Variants in CHCHD6 observed in about 807,000 individuals in gnomAD.
The protein encoded by CHCHD6 is MICOS complex subunit MIC25.
Under a neutral mutation model 32.3 loss-of-function variants are expected in CHCHD6, and 28 were observed. That is an observed-to-expected ratio of 0.87 (90% CI 0.64 to 1.19). CHCHD6 has a LOEUF of 1.19. Ranked by LOEUF, CHCHD6 falls within the 50% of genes most tolerant of loss-of-function variation. CHCHD6 has a pLI of 0.00. For synonymous variants in CHCHD6, 122 were observed against 117.5 expected (o/e 1.04, Z -0.25); for missense variants, 333 against 307.0 (o/e 1.08, Z -0.63).
intron 7 of CHCHD6, among the ~76,000 whole-genome samples, chr3:126,958,400 AC>A (rs1364266508): frequency 3.9e-5 from 6 of 152,210 alleles, no homozygotes; most frequent in Non-Finnish European, 7.3e-5. Flanking sequence ...CTCCTTTCCC[AC>A]GTAAAAGCCT....
chr3:126,913,662 T>C (rs2078128382), intron 5 of CHCHD6, among the ~76,000 whole-genome samples: 1 of 152,224 alleles, frequency 6.6e-6, no homozygotes, highest in South Asian at 2.1e-4. Flanking sequence ...AACTGCTTCC[T>C]CATGAGTCAG....
chr3:126,792,973 T>G (rs1938624382), intron 4 of CHCHD6, among the ~76,000 whole-genome samples: 1 of 152,186 alleles, frequency 6.6e-6, no homozygotes, highest in East Asian at 1.9e-4. Flanking sequence ...GAATTGACCC[T>G]TTTATCATTA....
At chr3:126,840,609 C>T (rs1941034496) in intron 4 of CHCHD6, among the ~76,000 whole-genome samples, 1 of 152,004 alleles carries the variant, frequency 6.6e-6, no homozygotes, top group South Asian at 2.1e-4. Flanking sequence ...TGAGATATGC[C>T]TTTTTATATT....
intron 5 of CHCHD6, among the ~76,000 whole-genome samples, chr3:126,873,554 G>T (rs1042743667): frequency 2.6e-5 from 4 of 152,192 alleles, no homozygotes; most frequent in Admixed American, 6.5e-5. Context: ...GTTCAGGTTG[G>T]TCAGCCAAAG....
chr3:126,914,438 C>G (rs772274080), intron 5 of CHCHD6, among the ~76,000 whole-genome samples: 2 of 152,210 alleles, frequency 1.3e-5, no homozygotes, highest in Non-Finnish European at 1.5e-5. Context: ...GCCCGTGGAT[C>G]GTGGTCTGCC....
At chr3:126,876,149 A>G (rs2107570401) in intron 5 of CHCHD6, among the ~76,000 whole-genome samples, 1 of 152,350 alleles carries the variant, frequency 6.6e-6, no homozygotes, top group Non-Finnish European at 1.5e-5. Context: ...GCTTCTTTGT[A>G]GCTGCTCAAG....
At chr3:126,845,095 G>C (rs1439222719) in intron 4 of CHCHD6, among the ~76,000 whole-genome samples, 1 of 152,170 alleles carries the variant, frequency 6.6e-6, no homozygotes, top group Non-Finnish European at 1.5e-5. Context: ...AAGCCACTAA[G>C]TTTCTGGTAA....
chr3:126,834,237 C>T (rs1483018851), intron 4 of CHCHD6, among the ~76,000 whole-genome samples: 1 of 152,094 alleles, frequency 6.6e-6, no homozygotes, highest in Non-Finnish European at 1.5e-5. Flanking sequence ...CTGCTGCTTT[C>T]ATGAAGCCCC....
chr3:126,872,200 T>A (rs1056214555), intron 5 of CHCHD6, among the ~76,000 whole-genome samples: 1 of 152,068 alleles, frequency 6.6e-6, no homozygotes, highest in Admixed American at 6.5e-5. Context: ...CTCTCCACCC[T>A]ACAGTGCCCA....
At chr3:126,849,905 G>A (rs550643051) in intron 4 of CHCHD6, among the ~76,000 whole-genome samples, 37 of 152,322 alleles carry the variant, frequency 2.4e-4, no homozygotes, top group African/African-American at 7.2e-4. Flanking sequence ...GTTGTGCTGC[G>A]TGCTGCGTGG....
At chr3:126,890,775 G>A (rs1043485110) in intron 5 of CHCHD6, among the ~76,000 whole-genome samples, 2 of 152,132 alleles carry the variant, frequency 1.3e-5, no homozygotes, top group African/African-American at 4.8e-5. Context: ...ATTTTTCCAG[G>A]TGTATTTCTG....
intron 4 of CHCHD6, among the ~76,000 whole-genome samples, chr3:126,773,024 T>A (rs1008341169): frequency 6.7e-6 from 1 of 148,188 alleles, no homozygotes; most frequent in Non-Finnish European, 1.5e-5. Context: ...TTGGTTAGAC[T>A]TTTTTTTTTT....
intron 4 of CHCHD6, among the ~76,000 whole-genome samples, chr3:126,809,201 T>C (rs1343149428): frequency 2.6e-5 from 4 of 152,192 alleles, no homozygotes; most frequent in Non-Finnish European, 4.4e-5. Context: ...CTGGAACTCC[T>C]GGCATCAAGT....
At chr3:126,819,808 G>A (rs1940074898) in intron 4 of CHCHD6, among the ~76,000 whole-genome samples, 1 of 152,246 alleles carries the variant, frequency 6.6e-6, no homozygotes, top group African/African-American at 2.4e-5. Context: ...ACATGGAAAG[G>A]CAGCATGCCT....
chr3:126,923,764 C>A lies in CHCHD6; in HGVS notation c.566+9014C>A, dbSNP rs1276928749. Among the ~76,000 whole-genome samples the A allele has an allele frequency of 2.0e-5, 3 of 152,188 alleles. No homozygotes were observed. The East Asian group carries it at 5.8e-4, about 29-fold the overall frequency. On this transcript the variant is annotated intron_variant, in intron 6 of 7. Transcript: ENST00000290913. ...GGGCATCATGAGGTAATTTGTTAAGCCTCTAGGAAAGTGTCAGGCACGTAG... is the reference window on the plus strand; with the variant it reads ...GGGCATCATGAGGTAATTTGTTAAGACTCTAGGAAAGTGTCAGGCACGTAG...
At chr3:126,933,441 A>C (rs1012225728) in intron 6 of CHCHD6, among the ~76,000 whole-genome samples, 1 of 152,184 alleles carries the variant, frequency 6.6e-6, no homozygotes, top group Non-Finnish European at 1.5e-5. Context: ...TAAAGAAAAG[A>C]GGTTTATTTG....
chr3:126,801,333 C>G (rs547944589), intron 4 of CHCHD6, among the ~76,000 whole-genome samples: 1 of 152,310 alleles, frequency 6.6e-6, no homozygotes, highest in South Asian at 2.1e-4. Context: ...ACAGACGGCA[C>G]CTGGAAAATC....
At chr3:126,732,402 C>G (rs998815246) in intron 3 of CHCHD6, among the ~76,000 whole-genome samples, 1 of 152,170 alleles carries the variant, frequency 6.6e-6, no homozygotes, top group African/African-American at 2.4e-5. Flanking sequence ...GCTTTATAAG[C>G]AGTTTTATTG....
intron 4 of CHCHD6, among the ~76,000 whole-genome samples, chr3:126,739,919 T>C (rs556771035): frequency 1.2e-4 from 19 of 152,320 alleles, no homozygotes; most frequent in African/African-American, 3.6e-4. Context: ...TTGTAGTTTT[T>C]GATTGGTGCT....
Sources: allele counts gnomAD v4.1 joint callset (sites outside exome capture counted in the v4.1 genomes callset), GRCh38; gene constraint gnomAD v4.1.1; transcripts MANE v1.5; gene names NCBI Gene and HGNC (gene_info 2026-07-23, HGNC 2026-07-21).